Variants in CCT5 observed in about 807,000 individuals in gnomAD.
CCT5 encodes the protein chaperonin containing TCP1 subunit 5.
In CCT5, 6 loss-of-function variants were observed where a neutral mutation model predicts 55.0. The ratio of observed to expected loss-of-function variants is 0.11; its 90% CI spans 0.06 to 0.22. CCT5 has a LOEUF of 0.22. CCT5 is among the 10% of genes least tolerant of loss of function. The probability of loss-of-function intolerance (pLI) is 1.00; values close to 1 mark genes in which losing one functional copy is unlikely to be tolerated. For synonymous variants in CCT5, 231 were observed against 243.7 expected (o/e 0.95, Z 0.49); for missense variants, 560 against 694.6 (o/e 0.81, Z 2.18).
chr5:10,263,137 C>G lies in CCT5; in HGVS notation c.1321C>G (p.Pro441Ala), dbSNP rs1321343522. The G allele has an allele frequency of 1.2e-6, 2 of 1,614,122 alleles. No homozygotes were observed. The highest frequency in any genetic ancestry group is 2.2e-5 in the South Asian group (2 of 91,068). ...LAVSQEADKCPTLEQYAMRAF... is the reference protein window; with the variant it reads ...LAVSQEADKCATLEQYAMRAF... ...CCATACTTCTGTACCTTTCCAGTGC[C>G]CCACCTTAGAACAGTATGCCATGAG... Residue 441 changes from proline to alanine, a missense_variant, in exon 10 of 11, where the codon CCC (proline) becomes GCC (alanine). By Grantham distance (27) the Pro-to-Ala change is conservative (BLOSUM62 -1). This residue lies in a region of CCT5 where 256 missense variants were observed against 372.4 expected (regional missense o/e 0.69). Coordinates refer to ENST00000280326, the MANE Select transcript of CCT5 (RefSeq NM_012073.5).
intron 1 of CCT5, 146 bp from the exon 2 acceptor site, chr5:10,253,999 C>T (rs1273022104): frequency 1.5e-6 from 1 of 667,736 alleles, no homozygotes; most frequent in Non-Finnish European, 2.7e-6. Context: ...TGTTATAATA[C>T]TTAAACCTGT....
chr5:10,253,112 G>A (rs939771784), intron 1 of CCT5, among the ~76,000 whole-genome samples: 15 of 152,072 alleles, frequency 9.9e-5, no homozygotes, highest in South Asian at 4.2e-4. Flanking sequence ...GATCACCTGA[G>A]GTCAGGAGTT....
Position 10,256,007 on chromosome 5 carries a change from T to G in CCT5, c.384T>G (p.Ile128Met). The G allele has an allele frequency of 6.2e-7, 1 of 1,614,220 alleles. No homozygotes were observed. Among genetic ancestry groups the G allele is most frequent in the Non-Finnish European group, 8.5e-7 (1 of 1,180,026 alleles). Residue 128 changes from isoleucine to methionine, a missense_variant, in exon 4 of 11, where the codon ATT (isoleucine) becomes ATG (methionine). Ile to Met is a conservative substitution (Grantham distance 10, BLOSUM62 1). This residue lies in a region of CCT5 where 137 missense variants were observed against 181.9 expected (regional missense o/e 0.75). Coordinates refer to ENST00000280326, the MANE Select transcript of CCT5 (RefSeq NM_012073.5). Reference sequence around the variant, plus strand: ...CGGAGCAATTGCTAGACCGAGGCATTCACCCAATCAGAATAGCCGATGGCT... The same window carrying G: ...CGGAGCAATTGCTAGACCGAGGCATGCACCCAATCAGAATAGCCGATGGCT... The part of the protein sequence containing the change: ...EEAEQLLDRG[I>M]HPIRIADGYE...
At chr5:10,260,626 T>G (rs1294556354) in intron 6 of CCT5, among the ~76,000 whole-genome samples, 166 bp from the exon 7 acceptor site, 2 of 152,252 alleles carry the variant, frequency 1.3e-5, no homozygotes, top group African/African-American at 4.8e-5. Flanking sequence ...AATTTGGAAC[T>G]GACAGAAAAG....
Position 10,261,763 on chromosome 5 carries a change from T to C in CCT5, c.1179+18T>C. The C allele has an allele frequency of 1.2e-6, 2 of 1,603,120 alleles. No individual in the cohort carries two copies. The highest frequency in any genetic ancestry group is 1.7e-6 in the Non-Finnish European group (2 of 1,170,142). On this transcript the variant is annotated intron_variant, in intron 8 of 10. Transcript: ENST00000280326. ...ATAAGATGGTGAGAATTCAACTATT[T>C]GTCCTATACTGTTGCTTATTTTGCT... is the stretch of plus-strand genomic sequence containing the variant.
intron 6 of CCT5, 150 bp from the exon 7 acceptor site, chr5:10,260,642 A>C: frequency 1.3e-6 from 1 of 789,850 alleles, no homozygotes; most frequent in Non-Finnish European, 2.2e-6. Flanking sequence ...AAAAGTGGAC[A>C]CTTGTCTATT....
At chr5:10,264,009 A>G (rs568454943) in intron 10 of CCT5, among the ~76,000 whole-genome samples, 120 of 152,352 alleles carry the variant, frequency 7.9e-4, no homozygotes, top group African/African-American at 1.8e-3. Flanking sequence ...GCAGTGACTC[A>G]TGTCTGTAAT....
At position 10,264,761 on chromosome 5, in the gene CCT5, A is replaced by G; in HGVS notation, c.1604A>G (p.Lys535Arg). ...ATTTTGAAGATTGATGACATTCGTA[A>G]GCCTGGAGAATCTGAAGAATGAAGA... ...RMILKIDDIR[K>R]PGESEE The change falls in exon 11 of 11, where the codon AAG (lysine) becomes AGG (arginine). Residue 535 changes from lysine to arginine, a missense_variant. Coordinates refer to ENST00000280326, the MANE Select transcript of CCT5 (RefSeq NM_012073.5). The G allele has an allele frequency of 6.2e-7, 1 of 1,611,226 alleles. No individual in the cohort carries two copies. Among genetic ancestry groups the G allele is most frequent in the Non-Finnish European group, 8.5e-7 (1 of 1,177,314 alleles).
rs773643978 is a variant in CCT5, at chr5:10,263,245, G to C, written c.1429G>C (p.Val477Leu). The C allele has an allele frequency of 6.2e-7, 1 of 1,614,042 alleles. No homozygotes were observed. Among genetic ancestry groups the C allele is most frequent in the Non-Finnish European group, 8.5e-7 (1 of 1,180,054 alleles). The change falls in exon 10 of 11, where the codon GTC becomes CTC. Residue 477 changes from valine to leucine, a missense_variant. By Grantham distance (32) the Val-to-Leu change is conservative. Transcript: ENST00000280326. ...GAATCCCATCCAGACTATGACCGAA[G>C]TCCGAGCCAGACAGGTGAAGGAGAT... ...GMNPIQTMTEVRARQVKEMNP... is the reference protein window; with the variant it reads ...GMNPIQTMTELRARQVKEMNP...
rs756645693 is a variant in CCT5 at position 10,262,575 on chromosome 5, C to T, written c.1274C>T (p.Ala425Val). The change falls in exon 9 of 11, where the codon GCT becomes GTT. Residue 425 changes from alanine to valine, a missense_variant. Around this residue, in one of 4 missense-constraint regions of CCT5, gnomAD observed 256 missense variants for 372.4 expected, o/e 0.69. Transcript: ENST00000280326. ...DNRVVYGGGAAEISCALAVSQ... is the reference protein window; with the variant it reads ...DNRVVYGGGAVEISCALAVSQ... Reference sequence around the variant, plus strand: ...CGTGTGGTGTATGGAGGAGGGGCTGCTGAGATATCCTGTGCCCTGGCAGTT... The same window carrying T: ...CGTGTGGTGTATGGAGGAGGGGCTGTTGAGATATCCTGTGCCCTGGCAGTT... 1.2e-6 allele frequency: 2 copies of T among 1,614,226 alleles called. No individual in the cohort carries two copies. Among genetic ancestry groups the T allele is most frequent in the Admixed American group, 3.3e-5 (2 of 60,026 alleles).
chr5:10,258,309 C>T lies in CCT5; in HGVS notation c.723+6C>T. 6.2e-7 allele frequency: 1 copy of T among 1,613,978 alleles called. No homozygotes were observed. Among genetic ancestry groups the T allele is most frequent in the Admixed American group, 1.7e-5 (1 of 60,024 alleles). On this transcript the variant is annotated splice_donor_region_variant and intron_variant, in intron 5 of 10. Coordinates refer to ENST00000280326, the MANE Select transcript of CCT5 (RefSeq NM_012073.5). ...GTCACCCACAGATGCCAAAAGTGAG[C>T]CATTGCATCTCACAGCTTCGCACTG...
At position 10,260,838 on chromosome 5, in the gene CCT5, A is replaced by G. The variant is rs1272859494; in HGVS notation, c.920A>G (p.Asp307Gly). The G allele has an allele frequency of 6.2e-7, 1 of 1,614,062 alleles. No homozygotes were observed. The highest frequency in any genetic ancestry group is 8.5e-7 in the Non-Finnish European group (1 of 1,179,914). Residue 307 changes from aspartate to glycine, a missense_variant, in exon 7 of 11, where the codon GAT (aspartate) becomes GGT (glycine). Asp to Gly is a moderately conservative substitution (Grantham distance 94). Transcript: ENST00000280326. ...CTAGCAATTTGTCAGTGGGGCTTTG[A>G]TGATGAAGCAAATCACTTACTTCTT... ...ANLAICQWGF[D>G]DEANHLLLQN...
intron 7 of CCT5, chr5:10,261,173 A>C (rs1745941213): frequency 1.1e-5 from 6 of 523,468 alleles, no homozygotes; most frequent in Middle Eastern, 5.4e-4. Flanking sequence ...CTAAGGCTGG[A>C]AGACCTGGTC....
chr5:10,253,930 C>G (rs1476569311), intron 1 of CCT5, among the ~76,000 whole-genome samples: 1 of 152,214 alleles, frequency 6.6e-6, no homozygotes, highest in African/African-American at 2.4e-5. Context: ...TGAGATAACA[C>G]AAAGCACTTG....
intron 1 of CCT5, among the ~76,000 whole-genome samples, chr5:10,251,769 C>G (rs570517839): frequency 3.9e-5 from 6 of 152,324 alleles, no homozygotes; most frequent in African/African-American, 1.2e-4. Flanking sequence ...GAAAAAGTTT[C>G]AAGCTAATTG....
intron 3 of CCT5, 83 bp from the exon 4 acceptor site, chr5:10,255,872 G>T: frequency 8.5e-7 from 1 of 1,178,496 alleles, no homozygotes; most frequent in Non-Finnish European, 1.2e-6. Context: ...TTCTTTCCAT[G>T]ATAGCATCTA....
At chr5:10,252,854 G>A (rs142701498) in intron 1 of CCT5, among the ~76,000 whole-genome samples, 145 of 152,042 alleles carry the variant, frequency 9.5e-4, no homozygotes, top group Non-Finnish European at 1.3e-3. Context: ...AATAGATCTC[G>A]GGATTTCGGG....
At chr5:10,261,766 CCTATACTGTTG>C (rs1330944958) in intron 8 of CCT5, 21 bp downstream of exon 8, 1 of 1,601,746 alleles carries the variant, frequency 6.2e-7, no homozygotes, top group Non-Finnish European at 8.6e-7. Context: ...AACTATTTGT[CCTATACTGTTG>C]CTTATTTTGC....
At chr5:10,259,206 G>T (rs183993955) in intron 6 of CCT5, among the ~76,000 whole-genome samples, 1 of 152,318 alleles carries the variant, frequency 6.6e-6, no homozygotes, top group East Asian at 1.9e-4. Flanking sequence ...TCTTTGCTCA[G>T]TTAAGTCTAG....
Sources: gnomAD v4.1 joint callset for allele counts (sites outside exome capture counted in the v4.1 genomes callset) on GRCh38, gnomAD v4.1.1 for gene constraint, gnomAD v4.1.1 regional missense constraint, MANE v1.5 for transcripts, NCBI Gene and HGNC (gene_info 2026-07-23, HGNC 2026-07-21) for gene names.